The following R3HDM2 variants were observed in gnomAD, a reference collection of about 807,000 sequenced individuals.
The protein encoded by R3HDM2 is R3H domain containing 2, also known as R3H domain-containing protein 2.
R3HDM2 carries 38 observed loss-of-function variants against 124.5 expected under a neutral mutation model. The ratio of observed to expected loss-of-function variants is 0.31; its 90% CI spans 0.24 to 0.40. The LOEUF (loss-of-function observed/expected upper bound fraction) is 0.40. Among genes scored for constraint, R3HDM2 ranks in the 10% least tolerant of loss-of-function variants. R3HDM2 has a pLI of 1.00. For missense variants in R3HDM2, 869 were observed against 1,236.9 expected (o/e 0.70, Z 4.46); for synonymous variants, 391 against 448.0 (o/e 0.87, Z 1.61).
At position 57,330,349 on chromosome 12, in the gene R3HDM2, C is replaced by CT. The variant is rs897939474; in HGVS notation, c.-35-19887dup. Among the ~76,000 whole-genome samples, 107 of 144,134 alleles carry CT rather than the reference C, an allele frequency of 7.4e-4. 1 individual carries two copies. Among genetic ancestry groups the CT allele is most frequent in the South Asian group, 8.9e-4 (4 of 4,518 alleles). The allele number at this position is 144,134 out of a possible 152,430, so 94.6% of individuals were successfully genotyped here. A position where few individuals can be genotyped will look rare whatever the true frequency, so the allele number is the denominator to read the frequency against. On this transcript the variant is annotated intron_variant, in intron 2 of 23. Transcript: ENST00000402412. ...TTCTATTTTGCTGAATGCATTTATT[C>CT]TTTTTTTTTTTGAAATGGGGTTTTG...
chr12:57,410,990 C>A (rs2068953285), intron 1 of R3HDM2, among the ~76,000 whole-genome samples: 1 of 152,146 alleles, frequency 6.6e-6, no homozygotes, highest in South Asian at 2.1e-4. Flanking sequence ...GGAAAGCATA[C>A]AATTCATCTT....
intron 1 of R3HDM2, among the ~76,000 whole-genome samples, chr12:57,396,521 G>A (rs1269230687): frequency 6.6e-6 from 1 of 152,142 alleles, no homozygotes; most frequent in Non-Finnish European, 1.5e-5. Context: ...GCGCACGCCT[G>A]TAATCCCAGC....
intron 11 of R3HDM2, among the ~76,000 whole-genome samples, chr12:57,290,740 G>A (rs2048401960): frequency 1.3e-5 from 2 of 152,198 alleles, no homozygotes; most frequent in Non-Finnish European, 2.9e-5. Flanking sequence ...AGCCCCCTGA[G>A]TAGCTGGGAT....
intron 2 of R3HDM2, among the ~76,000 whole-genome samples, chr12:57,342,355 T>A (rs11172170): frequency 0.45 from 67,708 of 151,576 alleles, 15,688 homozygotes; most frequent in South Asian, 0.52. Flanking sequence ...TCCTTGCTGC[T>A]GGAGCTCCAG....
chr12:57,421,953 G>A (rs1340082623), intron 1 of R3HDM2, among the ~76,000 whole-genome samples: 4 of 151,952 alleles, frequency 2.6e-5, no homozygotes, highest in East Asian at 1.9e-4. Context: ...AAAATTAGCC[G>A]GGTGTGGTGG....
intron 2 of R3HDM2, among the ~76,000 whole-genome samples, chr12:57,348,073 AT>A (rs1183560782): frequency 6.6e-6 from 1 of 152,040 alleles, no homozygotes; most frequent in African/African-American, 2.4e-5. Flanking sequence ...ATCGTTCTGT[AT>A]TTTTTTCTGT....
At chr12:57,314,925 G>A (rs555423413) in intron 2 of R3HDM2, among the ~76,000 whole-genome samples, 2 of 152,142 alleles carry the variant, frequency 1.3e-5, no homozygotes, top group African/African-American at 4.8e-5. Context: ...TGGCATGATC[G>A]TGGCCCACTT....
Position 57,255,046 on chromosome 12 carries a change from G to C in R3HDM2, c.2700C>G (p.Leu900=). 1 of 1,613,732 alleles carries C rather than the reference G, an allele frequency of 6.2e-7. No homozygotes were observed. The highest frequency in any genetic ancestry group is 8.5e-7 in the Non-Finnish European group (1 of 1,179,932). ...CGCCAGACATGGCGAGCTGCGTGAA[G>C]AGTTTGTCCGCCTCAGTACGGGTGA... ...EGITRTEADK[L]FTQLAMSGAK... The change falls in exon 24 of 24, where the codon CTC becomes CTG. Residue 900 remains leucine (L), a synonymous_variant. Transcript: ENST00000402412.
intron 2 of R3HDM2, among the ~76,000 whole-genome samples, chr12:57,384,828 A>G (rs1261771749): frequency 6.6e-6 from 1 of 152,150 alleles, no homozygotes; most frequent in African/African-American, 2.4e-5. Context: ...AGAGGCAAAA[A>G]CACTAGATAG....
intron 2 of R3HDM2, among the ~76,000 whole-genome samples, chr12:57,367,180 A>G (rs2062768792): frequency 6.6e-6 from 1 of 152,214 alleles, no homozygotes; most frequent in African/African-American, 2.4e-5. Context: ...TAGTAGAAAC[A>G]AAAAATACTC....
In R3HDM2 at chr12:57,288,159, C is replaced by T. The variant is rs183396376; in HGVS notation, c.938+850G>A. 1.3e-4 allele frequency among the ~76,000 whole-genome samples: 20 copies of T among 152,006 alleles called. No homozygotes were observed. In the East Asian group the frequency reaches 3.7e-3, roughly 28 times the overall value. The stretch of plus-strand genomic sequence containing the variant: ...TCAGCCTCCCGAGAGGCACCCACCA[C>T]CACGCCTGGCTAATTTTTGTATTTT... On this transcript the variant is annotated intron_variant, in intron 12 of 23. Transcript: ENST00000402412.
chr12:57,383,983 T>C (rs2065294107), intron 2 of R3HDM2, among the ~76,000 whole-genome samples: 1 of 152,172 alleles, frequency 6.6e-6, no homozygotes, highest in Non-Finnish European at 1.5e-5. Flanking sequence ...AGCAGGTATC[T>C]AGATCAGACC....
intron 2 of R3HDM2, among the ~76,000 whole-genome samples, chr12:57,318,801 A>T (rs2055742856): frequency 6.6e-6 from 1 of 152,172 alleles, no homozygotes; most frequent in Admixed American, 6.5e-5. Context: ...TCTTACAATG[A>T]TCCTATTACA....
At position 57,262,259 on chromosome 12, in the gene R3HDM2, C is replaced by G. The variant is rs2041074021; in HGVS notation, c.2132-3200G>C. Among the ~76,000 whole-genome samples the G allele has an allele frequency of 2.6e-5, 4 of 152,118 alleles. No individual in the cohort carries two copies. In the South Asian group the frequency reaches 8.3e-4, roughly 32 times the overall value. ...AAGAGCAGTCTCAGCTTTGGAAACC[C>G]CTCAGCTAAACAATGAGCCAGTAAA... is the stretch of plus-strand genomic sequence containing the variant. On this transcript the variant is annotated intron_variant, in intron 19 of 23. Coordinates refer to ENST00000402412, the MANE Select transcript of R3HDM2 (RefSeq NM_001394031.1).
At chr12:57,303,323 C>T in intron 3 of R3HDM2, 106 bp from the exon 4 acceptor site, 1 of 1,021,984 alleles carries the variant, frequency 9.8e-7, no homozygotes, top group Non-Finnish European at 1.5e-6. Context: ...AAAACCATTA[C>T]AACAGCCAAA....
intron 2 of R3HDM2, among the ~76,000 whole-genome samples, chr12:57,317,489 C>G (rs148951653): frequency 1.3e-5 from 2 of 152,116 alleles, no homozygotes; most frequent in East Asian, 3.9e-4. Flanking sequence ...CTGGCTGGAG[C>G]CTGCATCCTT....
intron 1 of R3HDM2, among the ~76,000 whole-genome samples, chr12:57,415,121 C>G (rs759060780): frequency 2.0e-5 from 3 of 152,056 alleles, no homozygotes; most frequent in Non-Finnish European, 4.4e-5. Context: ...ATTATTGGTA[C>G]TTTTAATACT....
intron 2 of R3HDM2, among the ~76,000 whole-genome samples, chr12:57,322,397 T>C (rs1406878055): frequency 1.3e-5 from 2 of 152,192 alleles, no homozygotes; most frequent in Non-Finnish European, 1.5e-5. Context: ...GGTGCTCCTG[T>C]GTCACAAGCC....
chr12:57,300,776 A>AT (rs1299180326), intron 4 of R3HDM2, among the ~76,000 whole-genome samples: 2 of 152,202 alleles, frequency 1.3e-5, no homozygotes, highest in African/African-American at 4.8e-5. Flanking sequence ...CAAACCTGAG[A>AT]TGCCAAGGGT....
Sources: allele counts gnomAD v4.1 joint callset (sites outside exome capture counted in the v4.1 genomes callset), GRCh38; gene constraint gnomAD v4.1.1; transcripts MANE v1.5; gene names NCBI Gene and HGNC (gene_info 2026-07-23, HGNC 2026-07-21).